Variants in DIP2A observed in about 807,000 individuals in gnomAD.
DIP2A encodes the protein DIP2 acetate--CoA ligase A, also known as disco-interacting protein 2 homolog A.
DIP2A carries 85 observed loss-of-function variants against 177.4 expected under a neutral mutation model. The ratio of observed to expected loss-of-function variants is 0.48; its 90% confidence interval spans 0.40 to 0.57. The LOEUF is 0.57. Ranked by LOEUF, DIP2A falls within the 20% of genes least tolerant of loss-of-function variation. The pLI is 0.00. For synonymous variants in DIP2A, 886 were observed against 881.8 expected, an observed-to-expected ratio of 1.00 and a Z score of -0.08; for missense variants, 1,791 against 2,100.2, an observed-to-expected ratio of 0.85 and a Z score of 2.88.
At chr21:46,490,510 A>G in intron 2 of DIP2A, 90 bp from the exon 3 acceptor site, 1 of 1,419,722 alleles carries the variant, frequency 7.0e-7, no homozygotes, top group South Asian at 1.4e-5. Flanking sequence ...TATGCAACAG[A>G]TGAGAAATGT....
intron 17 of DIP2A, among the ~76,000 whole-genome samples, chr21:46,540,471 C>T (rs950771967): frequency 2.6e-5 from 4 of 152,172 alleles, no homozygotes; most frequent in Admixed American, 2.0e-4. Flanking sequence ...CATGTTGAGC[C>T]TGCAGACTGC....
intron 2 of DIP2A, among the ~76,000 whole-genome samples, chr21:46,489,336 G>T (rs2148466569): frequency 6.6e-6 from 1 of 152,362 alleles, no homozygotes; most frequent in East Asian, 1.9e-4. Flanking sequence ...CACAGAGCCA[G>T]AGCTGGGTGC....
rs755130847 is a variant in DIP2A at position 46,554,231 on chromosome 21, G to A, written c.3093G>A (p.Ala1031=). 1.9e-5 allele frequency: 30 copies of A among 1,613,976 alleles called. No individual in the cohort carries two copies. The highest frequency in any genetic ancestry group is 1.8e-4 in the East Asian group (8 of 44,880). The change falls in exon 26 of 38, where the codon GCG becomes GCA. Residue 1031 remains alanine (A), a synonymous_variant. Coordinates refer to ENST00000417564, the MANE Select transcript of DIP2A (RefSeq NM_015151.4). ...ACAAAAGGGCTGAGAGAGTGGCCGC[G>A]GCTCTGATGGAGAAGGGAAGACTGA... ...QLHKRAERVA[A]ALMEKGRLSV... is the part of the protein sequence containing the mutation.
chr21:46,504,169 A>T lies in DIP2A; in HGVS notation c.656-192A>T, dbSNP rs2057853000. On this transcript the variant is annotated intron_variant, in intron 5 of 37. Coordinates refer to ENST00000417564, the MANE Select transcript of DIP2A (RefSeq NM_015151.4). ...CACCCACATGCACGCAGATGTCTGC[A>T]TAACGTGTCTGGGAGTTCATAGGGT... is the stretch of plus-strand genomic sequence containing the variant. 3 of 697,630 alleles carry T rather than the reference A, an allele frequency of 4.3e-6. No individual in the cohort carries two copies. The East Asian group carries it at 8.4e-5, about 20-fold the overall frequency. 43.2% of individuals were successfully genotyped at this position (697,630 alleles called of 1,614,324 possible). A position where few individuals can be genotyped will look rare whatever the true frequency, so the allele number is the denominator to read the frequency against.
intron 1 of DIP2A, among the ~76,000 whole-genome samples, chr21:46,468,295 G>A (rs2055030859): frequency 6.6e-6 from 1 of 150,888 alleles, no homozygotes; most frequent in Non-Finnish European, 1.5e-5. Flanking sequence ...GGGTGTGGTG[G>A]TGCACGCCTA....
At position 46,539,985 on chromosome 21, in the gene DIP2A, T is replaced by C; in HGVS notation, c.2030T>C (p.Ile677Thr). The C allele has an allele frequency of 6.2e-7, 1 of 1,613,630 alleles. No individual in the cohort carries two copies. Among genetic ancestry groups the C allele is most frequent in the Non-Finnish European group, 8.5e-7 (1 of 1,179,510 alleles). The change falls in exon 17 of 38, where the codon ATC becomes ACC. Residue 677 changes from isoleucine (I) to threonine (T), a missense_variant. Physicochemically the swap from Ile to Thr is moderately conservative, Grantham distance 89. Transcript: ENST00000417564. Reference protein sequence around the residue: ...ASSPEALTVAIRRPPDLGGPP... With the variant: ...ASSPEALTVATRRPPDLGGPP... ...TCTCCTGAGGCGCTGACTGTCGCCA[T>C]CCGCAGGTAACCTTATTCCTTGCTA...
intron 8 of DIP2A, among the ~76,000 whole-genome samples, chr21:46,527,236 G>A (rs1225602812): frequency 6.6e-6 from 1 of 150,874 alleles, no homozygotes; most frequent in Non-Finnish European, 1.5e-5. Context: ...TTATGTAGCT[G>A]GATTCAGTTT....
At chr21:46,554,786 G>GGGGGGGGGGCCCCCC in intron 27 of DIP2A, 36 bp from the exon 28 acceptor site, 1 of 1,519,082 alleles carries the variant, frequency 6.6e-7, no homozygotes, top group Non-Finnish European at 8.8e-7. Context: ...AGCTTGAGAG[G>GGGGGGGGGGCCCCCC]CCCCGCCCAC....
intron 18 of DIP2A, among the ~76,000 whole-genome samples, chr21:46,544,507 T>C (rs574334168): frequency 2.6e-5 from 4 of 152,300 alleles, no homozygotes; most frequent in South Asian, 4.1e-4. Context: ...CTGGAAAGAA[T>C]GTGCACATGG....
intron 1 of DIP2A, among the ~76,000 whole-genome samples, chr21:46,473,101 CAAG>C (rs2148340017): frequency 6.6e-6 from 1 of 152,290 alleles, no homozygotes; most frequent in South Asian, 2.1e-4. Flanking sequence ...TTCCTATTAA[CAAG>C]AAATACCATG....
intron 1 of DIP2A, among the ~76,000 whole-genome samples, chr21:46,471,122 A>C (rs543631243): frequency 6.6e-6 from 1 of 152,212 alleles, no homozygotes; most frequent in South Asian, 2.1e-4. Context: ...TACAGCCTCA[A>C]ACTCCTGGGC....
chr21:46,485,103 T>C (rs894069010), intron 2 of DIP2A, among the ~76,000 whole-genome samples: 2 of 152,126 alleles, frequency 1.3e-5, no homozygotes, highest in Non-Finnish European at 2.9e-5. Flanking sequence ...CCAAAGAGGA[T>C]TTATTTTATT....
At chr21:46,561,536 G>A (rs1045365395) in intron 33 of DIP2A, 4 of 668,152 alleles carry the variant, frequency 6.0e-6, no homozygotes, top group African/African-American at 1.8e-5. Flanking sequence ...CACATGGGGT[G>A]GGTGGCGAGT....
intron 10 of DIP2A, among the ~76,000 whole-genome samples, chr21:46,533,125 A>G (rs1219411205): frequency 1.3e-5 from 2 of 152,242 alleles, no homozygotes; most frequent in Non-Finnish European, 2.9e-5. Flanking sequence ...CTGTGTGGAA[A>G]TAATTTAATA....
chr21:46,541,325 T>C (rs1231181676), intron 17 of DIP2A, among the ~76,000 whole-genome samples: 1 of 152,212 alleles, frequency 6.6e-6, no homozygotes, highest in Non-Finnish European at 1.5e-5. Context: ...GGTGAGGGGC[T>C]GAGACAGCTT....
chr21:46,558,800 G>C (rs538812726), intron 32 of DIP2A: 1 of 268,646 alleles, frequency 3.7e-6, no homozygotes, highest in Non-Finnish European at 7.3e-6. Context: ...CTTATTAAAA[G>C]GAAGCACCAA....
At chr21:46,529,262 C>A in intron 9 of DIP2A, 79 bp downstream of exon 9, 1 of 922,114 alleles carries the variant, frequency 1.1e-6, no homozygotes, top group South Asian at 1.6e-5. Context: ...AATTAGTGTT[C>A]TATCATTTAG....
intron 1 of DIP2A, among the ~76,000 whole-genome samples, chr21:46,470,379 C>T (rs560327648): frequency 2.6e-5 from 4 of 151,872 alleles, no homozygotes; most frequent in African/African-American, 7.2e-5. Context: ...AACGCTGAGG[C>T]GGGAGAATCA....
intron 4 of DIP2A, among the ~76,000 whole-genome samples, chr21:46,497,369 AT>A (rs1295785821): frequency 6.6e-6 from 1 of 152,170 alleles, no homozygotes; most frequent in Non-Finnish European, 1.5e-5. Flanking sequence ...GATGCTATTT[AT>A]GTCTTTTAGT....
Sources: allele counts gnomAD v4.1 joint callset (sites outside exome capture counted in the v4.1 genomes callset), GRCh38; gene constraint gnomAD v4.1.1; transcripts MANE v1.5; gene names NCBI Gene and HGNC (gene_info 2026-07-23, HGNC 2026-07-21).